Variants in KALRN observed in about 807,000 individuals in gnomAD.
The protein encoded by KALRN is kalirin RhoGEF kinase, also known as kalirin.
Under a neutral mutation model 353.7 loss-of-function variants are expected in KALRN, and 70 were observed. The observed-to-expected ratio is 0.20, with a 90% CI of 0.16 to 0.24. The LOEUF is 0.24. Among genes scored for constraint, KALRN ranks in the 10% least tolerant of loss-of-function variants. The pLI is 1.00. For missense variants in KALRN, 2,791 were observed against 3,756.7 expected (o/e 0.74, Z 6.72); for synonymous variants, 1,391 against 1,434.8 (o/e 0.97, Z 0.69).
At chr3:124,706,993 C>T (rs1223187809) in intron 57 of KALRN, among the ~76,000 whole-genome samples, 4 of 151,998 alleles carry the variant, frequency 2.6e-5, no homozygotes, top group Non-Finnish European at 4.4e-5. Context: ...GGACAAGATA[C>T]AAAAAGCAAT....
At chr3:124,337,386 C>A (rs2081243736) in intron 9 of KALRN, among the ~76,000 whole-genome samples, 1 of 152,110 alleles carries the variant, frequency 6.6e-6, no homozygotes, top group African/African-American at 2.4e-5. Flanking sequence ...GCCTTTTCTG[C>A]CTCTATTGAG....
chr3:124,698,925 T>C (rs1467312767), intron 55 of KALRN, among the ~76,000 whole-genome samples: 1 of 152,200 alleles, frequency 6.6e-6, no homozygotes, highest in Non-Finnish European at 1.5e-5. Flanking sequence ...TAGCTCTAAT[T>C]GTTAATAACA....
chr3:124,378,264 T>G (rs2086857630), intron 10 of KALRN, among the ~76,000 whole-genome samples: 2 of 152,098 alleles, frequency 1.3e-5, no homozygotes, highest in Non-Finnish European at 2.9e-5. Context: ...ACAGTTTACC[T>G]TCAAGTGGTA....
intron 1 of KALRN, among the ~76,000 whole-genome samples, chr3:124,045,612 G>A (rs1268819127): frequency 6.6e-6 from 1 of 152,180 alleles, no homozygotes; most frequent in Non-Finnish European, 1.5e-5. Context: ...TGATTTCAGT[G>A]AGCAGATCTC....
chr3:124,275,358 T>C (rs1016089448), intron 5 of KALRN, among the ~76,000 whole-genome samples: 1 of 152,232 alleles, frequency 6.6e-6, no homozygotes, highest in Non-Finnish European at 1.5e-5. Context: ...AACAATTGTA[T>C]AATACTTTTT....
intron 9 of KALRN, among the ~76,000 whole-genome samples, chr3:124,340,008 T>C (rs796126905): frequency 1.8e-4 from 28 of 152,304 alleles, no homozygotes; most frequent in African/African-American, 6.5e-4. Context: ...CAGGAAGTTT[T>C]CAAATTATAT....
intron 31 of KALRN, chr3:124,491,719 A>G (rs982609941): frequency 7.5e-6 from 2 of 265,604 alleles, no homozygotes; most frequent in East Asian, 6.8e-5. Flanking sequence ...CTCTGTCCGT[A>G]TCTCTTCCTT....
rs2059196559 is a variant in KALRN at position 124,455,283 on chromosome 3, A to C, written c.3659A>C (p.Lys1220Thr). 1 of 1,614,194 alleles carries C rather than the reference A, an allele frequency of 6.2e-7. No homozygotes were observed. Among genetic ancestry groups the C allele is most frequent in the Middle Eastern group, 1.6e-4 (1 of 6,062 alleles). The change falls in exon 22 of 60, where the codon AAG (lysine) becomes ACG (threonine). Residue 1220 changes from lysine to threonine, a missense_variant. By Grantham distance (78) the Lys-to-Thr change is moderately conservative (BLOSUM62 -1). Around this residue, in one of 11 missense-constraint regions of KALRN, gnomAD observed 268 missense variants for 347.0 expected, o/e 0.77. Coordinates refer to ENST00000682506, the MANE Select transcript of KALRN (RefSeq NM_001388419.1). The part of the protein sequence containing the change: ...EIRKWVTTVD[K>T]HYRDFSLRMG... Reference sequence around the variant, plus strand: ...AGGAAATGGGTGACCACGGTGGACAAGCACTACAGAGATTTCTCCCTGAGG... The same window carrying C: ...AGGAAATGGGTGACCACGGTGGACACGCACTACAGAGATTTCTCCCTGAGG...
chr3:124,348,024 CTG>C (rs1247073943), intron 10 of KALRN, among the ~76,000 whole-genome samples: 2 of 152,222 alleles, frequency 1.3e-5, no homozygotes, highest in South Asian at 2.1e-4. Context: ...TATCCTAACT[CTG>C]TTATATTTCT....
intron 1 of KALRN, among the ~76,000 whole-genome samples, chr3:124,066,859 C>T (rs1008751984): frequency 6.6e-6 from 1 of 152,172 alleles, no homozygotes; most frequent in Non-Finnish European, 1.5e-5. Context: ...GAATATGAGG[C>T]TTTTAGGAGA....
At position 124,041,295 on chromosome 3, in the gene KALRN, C is replaced by G. The variant is rs189414813; in HGVS notation, c.73+7482C>G. ...ATCTGTGTAAGATGAGGATAATAGC[C>G]CCCCGCCCCAACCCTTCCCTTATAG... On this transcript the variant is annotated intron_variant, in intron 1 of 59. Transcript: ENST00000682506. 3.0e-4 allele frequency among the ~76,000 whole-genome samples: 46 copies of G among 152,132 alleles called. 1 individual carries two copies. Among genetic ancestry groups the G allele is most frequent in the African/African-American group, 1.1e-3 (45 of 41,526 alleles).
At chr3:124,299,591 A>C (rs1291669242) in intron 6 of KALRN, among the ~76,000 whole-genome samples, 2 of 152,124 alleles carry the variant, frequency 1.3e-5, no homozygotes, top group Admixed American at 1.3e-4. Flanking sequence ...GCCAGATAGA[A>C]CTTACTTTAC....
At chr3:124,224,882 T>G (rs2078308579) in intron 1 of KALRN, among the ~76,000 whole-genome samples, 1 of 152,222 alleles carries the variant, frequency 6.6e-6, no homozygotes, top group African/African-American at 2.4e-5. Flanking sequence ...CTGGAGGGCA[T>G]CTACTCAGAT....
intron 43 of KALRN, among the ~76,000 whole-genome samples, chr3:124,659,997 T>C (rs988625133): frequency 7.9e-5 from 12 of 151,858 alleles, no homozygotes; most frequent in Admixed American, 7.9e-4. Flanking sequence ...AGTGACACAG[T>C]CATAGCTCAC....
At chr3:124,477,452 T>C (rs1291637242) in intron 27 of KALRN, 118 bp downstream of exon 27, 1 of 763,246 alleles carries the variant, frequency 1.3e-6, no homozygotes, top group Non-Finnish European at 2.2e-6. Flanking sequence ...TACTGGCCAC[T>C]GCAAACCTTA....
intron 1 of KALRN, among the ~76,000 whole-genome samples, chr3:124,208,915 A>G (rs1274419557): frequency 3.3e-5 from 5 of 152,014 alleles, no homozygotes; most frequent in Admixed American, 2.6e-4. Context: ...GCAGTGAGCC[A>G]TGATCACATC....
At chr3:124,485,867 G>A (rs1351129564) in intron 28 of KALRN, among the ~76,000 whole-genome samples, 1 of 152,152 alleles carries the variant, frequency 6.6e-6, no homozygotes, top group African/African-American at 2.4e-5. Context: ...GTGATAGAGC[G>A]AGACTCTGTC....
intron 13 of KALRN, among the ~76,000 whole-genome samples, chr3:124,410,524 A>T (rs970576054): frequency 6.6e-6 from 1 of 152,276 alleles, no homozygotes; most frequent in African/African-American, 2.4e-5. Flanking sequence ...TATTTTAAAA[A>T]GGGCAGAAGA....
chr3:124,378,721 T>G (rs1462025570), intron 10 of KALRN, among the ~76,000 whole-genome samples: 1 of 151,934 alleles, frequency 6.6e-6, no homozygotes, highest in Non-Finnish European at 1.5e-5. Flanking sequence ...TTTCTTTTAG[T>G]ACTTTAAAGA....
Sources: gnomAD v4.1 joint callset for allele counts (sites outside exome capture counted in the v4.1 genomes callset) on GRCh38, gnomAD v4.1.1 for gene constraint, gnomAD v4.1.1 regional missense constraint, MANE v1.5 for transcripts, NCBI Gene and HGNC (gene_info 2026-07-23, HGNC 2026-07-21) for gene names.